Variants in TTC4 observed in about 807,000 individuals in gnomAD.
TTC4 encodes the protein hsp70/Hsp90 co-chaperone CNS1 homolog.
In TTC4, 36 loss-of-function variants were observed where a neutral mutation model predicts 51.9. That is an observed-to-expected ratio of 0.69 (90% confidence interval 0.53 to 0.92). The LOEUF (loss-of-function observed/expected upper bound fraction) is 0.92. Ranked by LOEUF, TTC4 falls within the 40% of genes least tolerant of loss-of-function variation. The pLI is 0.00. For synonymous variants in TTC4, 144 were observed against 164.2 expected, an observed-to-expected ratio of 0.88 and a Z score of 0.94; for missense variants, 399 against 454.6, an observed-to-expected ratio of 0.88 and a Z score of 1.11.
intron 5 of TTC4, 111 bp downstream of exon 5, chr1:54,722,910 A>T (rs1370615926): frequency 5.7e-6 from 8 of 1,409,966 alleles, no homozygotes; most frequent in Non-Finnish European, 7.7e-6. Context: ...ACCCAAAACT[A>T]GTCCCTACTC....
intron 8 of TTC4, 57 bp downstream of exon 8, chr1:54,733,767 T>A (rs1645900743): frequency 1.4e-6 from 1 of 704,616 alleles, no homozygotes; most frequent in African/African-American, 2.1e-5. Flanking sequence ...TTTTTTTTTT[T>A]TTTTTTGCGG....
intron 5 of TTC4, among the ~76,000 whole-genome samples, chr1:54,727,214 G>A (rs966518375): frequency 6.6e-6 from 1 of 152,104 alleles, no homozygotes; most frequent in Non-Finnish European, 1.5e-5. Flanking sequence ...TCACATTTAT[G>A]GGGAATTTAT....
rs548391995 is a variant in TTC4, at chr1:54,718,805, T to A, written c.391+1152T>A. ...TTTTTTTAAAAATAATTTATTTTTT[T>A]AATTGAGACAGGGGTCTCGCTATGT... On this transcript the variant is annotated intron_variant, in intron 3 of 9. Transcript: ENST00000371281. 4.6e-5 allele frequency among the ~76,000 whole-genome samples: 7 copies of A among 152,224 alleles called. No individual in the cohort carries two copies. The East Asian group carries it at 1.4e-3, about 29-fold the overall frequency.
At position 54,716,608 on chromosome 1, in the gene TTC4, A is replaced by T; in HGVS notation, c.120A>T (p.Glu40Asp). Residue 40 changes from glutamate to aspartate, a missense_variant, in exon 2 of 10, where the codon GAA (glutamate) becomes GAT (aspartate). Glu to Asp is a conservative substitution (Grantham distance 45). Around this residue, in one of 3 missense-constraint regions of TTC4, gnomAD observed 316 missense variants for 349.6 expected, o/e 0.90. Transcript: ENST00000371281. Reference sequence around the variant, plus strand: ...TTCTTAACCATTTACAGGAATTTGAAAAGGTCCCCCTATTTATGTCGAGAG... The same window carrying T: ...TTCTTAACCATTTACAGGAATTTGATAAGGTCCCCCTATTTATGTCGAGAG... ...FHEDQWEKEF[E>D]KVPLFMSRAP... The T allele has an allele frequency of 6.2e-7, 1 of 1,611,540 alleles. No homozygotes were observed. The highest frequency in any genetic ancestry group is 8.5e-7 in the Non-Finnish European group (1 of 1,179,120).
intron 6 of TTC4, among the ~76,000 whole-genome samples, chr1:54,729,777 G>A (rs1645843130): frequency 6.6e-6 from 1 of 150,970 alleles, no homozygotes; most frequent in African/African-American, 2.4e-5. Context: ...AGGCTGGAGT[G>A]CAGTGGTGCA....
At chr1:54,728,070 T>C (rs1485670325) in intron 5 of TTC4, among the ~76,000 whole-genome samples, 1 of 152,212 alleles carries the variant, frequency 6.6e-6, no homozygotes, top group Non-Finnish European at 1.5e-5. Context: ...CCACCTGTTA[T>C]ACTGGCTCTT....
chr1:54,716,590 C>T lies in TTC4; in HGVS notation c.112-10C>T. On this transcript the variant is annotated splice_polypyrimidine_tract_variant and intron_variant, in intron 1 of 9. Coordinates refer to ENST00000371281, the MANE Select transcript of TTC4 (RefSeq NM_004623.5). ...GCTTATTCATGTAGTTCATTCTTAA[C>T]CATTTACAGGAATTTGAAAAGGTCC... is the stretch of plus-strand genomic sequence containing the variant. 1.9e-6 allele frequency: 3 copies of T among 1,595,296 alleles called. No individual in the cohort carries two copies. Among genetic ancestry groups the T allele is most frequent in the Non-Finnish European group, 2.6e-6 (3 of 1,166,450 alleles).
At chr1:54,717,711 A>T (rs1645693249) in intron 3 of TTC4, 58 bp downstream of exon 3, 1 of 1,410,326 alleles carries the variant, frequency 7.1e-7, no homozygotes, top group Admixed American at 2.7e-5. Context: ...TATGATGGTT[A>T]GTGGAGGTTT....
chr1:54,727,377 T>G (rs1047923808), intron 5 of TTC4, among the ~76,000 whole-genome samples: 5 of 152,192 alleles, frequency 3.3e-5, no homozygotes, highest in Non-Finnish European at 7.4e-5. Context: ...AATACCCAAA[T>G]GTAAGAGCTA....
intron 3 of TTC4, among the ~76,000 whole-genome samples, chr1:54,719,166 A>C (rs943163139): frequency 1.3e-5 from 2 of 152,110 alleles, no homozygotes; most frequent in African/African-American, 2.4e-5. Flanking sequence ...ACCTGGAGGA[A>C]CAGGGGAGGA....
chr1:54,716,521 A>G (rs1440737666), intron 1 of TTC4, 79 bp from the exon 2 acceptor site: 2 of 1,124,476 alleles, frequency 1.8e-6, no homozygotes, highest in Non-Finnish European at 2.6e-6. Context: ...TGAGTAAAAA[A>G]ACTTTGGTAA....
intron 5 of TTC4, among the ~76,000 whole-genome samples, chr1:54,727,845 C>T (rs1925656): frequency 0.052 from 7,971 of 152,174 alleles, 536 homozygotes; most frequent in African/African-American, 0.14. Flanking sequence ...TGTGAATAGA[C>T]ACTTCTCCAA....
At chr1:54,737,459 A>G in intron 8 of TTC4, 123 bp from the exon 9 acceptor site, 4 of 759,796 alleles carry the variant, frequency 5.3e-6, no homozygotes, top group Non-Finnish European at 8.4e-6. Flanking sequence ...CAGCTACACA[A>G]CCATATAAAG....
At chr1:54,732,856 C>T (rs981738506) in intron 7 of TTC4, among the ~76,000 whole-genome samples, 1 of 151,818 alleles carries the variant, frequency 6.6e-6, no homozygotes, top group Non-Finnish European at 1.5e-5. Context: ...GAGGCCAAGA[C>T]AGGAGGATCA....
chr1:54,726,604 C>T (rs1645802109), intron 5 of TTC4, among the ~76,000 whole-genome samples: 1 of 152,068 alleles, frequency 6.6e-6, no homozygotes, highest in Non-Finnish European at 1.5e-5. Context: ...TCAAAAAACA[C>T]TTATGAGTAC....
Position 54,741,879 on chromosome 1 carries a change from A to G in TTC4, c.*366A>G, listed in dbSNP as rs1156277156. On this transcript the variant is annotated 3_prime_UTR_variant, in exon 10 of 10. Coordinates refer to ENST00000371281, the MANE Select transcript of TTC4 (RefSeq NM_004623.5). Reference sequence around the variant, plus strand: ...GAACTTTTGTGGAGTTTGACACCTTAGAGAAGCTACCCCTCAAACTGCACA... The same window carrying G: ...GAACTTTTGTGGAGTTTGACACCTTGGAGAAGCTACCCCTCAAACTGCACA... The G allele has an allele frequency of 4.2e-6, 1 of 236,780 alleles. No homozygotes were observed. The highest frequency in any genetic ancestry group is 8.1e-6 in the Non-Finnish European group (1 of 122,718). 14.7% of individuals were successfully genotyped at this position (236,780 alleles called of 1,614,324 possible). A position where few individuals can be genotyped will look rare whatever the true frequency, so the allele number is the denominator to read the frequency against.
intron 8 of TTC4, among the ~76,000 whole-genome samples, chr1:54,736,295 C>G (rs1212538454): frequency 3.4e-4 from 1 of 2,900 alleles, no homozygotes; most frequent in Non-Finnish European, 5.2e-4. Flanking sequence ...TTGGTATCTC[C>G]AACTCTTAAT....
At chr1:54,717,763 G>A (rs1645693744) in intron 3 of TTC4, 110 bp downstream of exon 3, 1 of 1,040,390 alleles carries the variant, frequency 9.6e-7, no homozygotes, top group African/African-American at 1.6e-5. Flanking sequence ...CAGAAACCCA[G>A]ACTAAGGATA....
chr1:54,727,528 C>A (rs878980012), intron 5 of TTC4, among the ~76,000 whole-genome samples: 3 of 147,430 alleles, frequency 2.0e-5, no homozygotes, highest in Non-Finnish European at 4.4e-5. Context: ...AGGATACCAT[C>A]AAAAAAATGA....
Sources: gnomAD v4.1 joint callset for allele counts (sites outside exome capture counted in the v4.1 genomes callset) on GRCh38, gnomAD v4.1.1 for gene constraint, gnomAD v4.1.1 regional missense constraint, MANE v1.5 for transcripts, NCBI Gene and HGNC (gene_info 2026-07-23, HGNC 2026-07-21) for gene names.